The following ANTKMT variants were observed in gnomAD, a reference collection of about 807,000 sequenced individuals.
ANTKMT encodes the protein adenine nucleotide translocase lysine methyltransferase.
ANTKMT carries 24 observed loss-of-function variants against 20.7 expected under a neutral mutation model. The observed-to-expected ratio is 1.16, with a 90% CI of 0.84 to 1.63. The LOEUF is 1.63. ANTKMT is among the 40% of genes most tolerant of loss of function. The probability of loss-of-function intolerance (pLI) is 0.00; values close to 1 mark genes in which losing one functional copy is unlikely to be tolerated. For synonymous variants in ANTKMT, 193 were observed against 161.2 expected (o/e 1.20, Z -1.49); for missense variants, 428 against 334.8 (o/e 1.28, Z -2.17).
In ANTKMT at chr16:721,261, C is replaced by T. The variant is rs1166833967; in HGVS notation, c.-14C>T. The T allele has an allele frequency of 3.0e-5, 38 of 1,267,502 alleles. No individual in the cohort carries two copies. Among genetic ancestry groups the T allele is most frequent in the Non-Finnish European group, 3.6e-5 (36 of 1,006,318 alleles). The allele number at this position is 1,267,502 out of a possible 1,614,324, so 78.5% of individuals were successfully genotyped here. On this transcript the variant is annotated 5_prime_UTR_variant, in exon 1 of 5. Coordinates refer to ENST00000569529, the MANE Select transcript of ANTKMT (RefSeq NM_023933.3). ...GGAAGGACCTTGGGCGGACGAGCCGCGCGTCCCGCAGCCATGGAGCAGGAC... is the reference window on the plus strand; with the variant it reads ...GGAAGGACCTTGGGCGGACGAGCCGTGCGTCCCGCAGCCATGGAGCAGGAC...
chr16:721,322 G>A lies in ANTKMT; in HGVS notation c.48G>A (p.Arg16=), dbSNP rs376934221. ...PVEALTELRE[R]RLGALELLQA... is the part of the protein sequence containing the mutation. ...AGGCGCTGACGGAGCTGCGCGAGCGGCGGCTGGGCGCGCTGGAGCTGCTGC... is the reference window on the plus strand; with the variant it reads ...AGGCGCTGACGGAGCTGCGCGAGCGACGGCTGGGCGCGCTGGAGCTGCTGC... Residue 16 remains arginine (R), a synonymous_variant, in exon 1 of 5, where the codon CGG becomes CGA. Transcript: ENST00000569529. The A allele has an allele frequency of 2.1e-5, 28 of 1,349,502 alleles. No individual in the cohort carries two copies. The South Asian group carries it at 2.4e-4, about 12-fold the overall frequency. 83.6% of individuals were successfully genotyped at this position (1,349,502 alleles called of 1,614,324 possible). A position where few individuals can be genotyped will look rare whatever the true frequency, so the allele number is the denominator to read the frequency against.
intron 4 of ANTKMT, 58 bp from the exon 5 acceptor site, chr16:722,251 C>T (rs998692629): frequency 7.8e-5 from 124 of 1,586,620 alleles, no homozygotes; most frequent in Non-Finnish European, 1.0e-4. Context: ...GGGGTGAGCG[C>T]GGCTGTTTTC....
In ANTKMT at chr16:722,461, G is replaced by A. The variant is rs2040286677; in HGVS notation, c.612G>A (p.Gln204=). The A allele has an allele frequency of 1.2e-6, 2 of 1,611,840 alleles. No homozygotes were observed. The highest frequency in any genetic ancestry group is 1.7e-4 in the Middle Eastern group (1 of 6,056). The stretch of plus-strand genomic sequence containing the variant: ...CTTATGATGTTCCTGAGGGTGGGCA[G>A]GCTGGGGAGGCCGCCTCCTCGCGGA... ...VWAYDVPEGG[Q]AGEAASSRIP... is the part of the protein sequence containing the mutation. Residue 204 remains glutamine (Q), a synonymous_variant, in exon 5 of 5, where the codon CAG becomes CAA. Coordinates refer to ENST00000569529, the MANE Select transcript of ANTKMT (RefSeq NM_023933.3).
rs146136648 is a variant in ANTKMT at position 721,703 on chromosome 16, G to C, written c.267+1G>C. On this transcript the variant is annotated splice_donor_variant, in intron 2 of 4. Transcript: ENST00000569529. LOFTEE classifies it high-confidence loss of function. ...TCTGGGCTCTGGCGACGGCAGGATC[G>C]TAAGTGCCTGCGTCTGGGTCTTCGC... 1 of 1,548,626 alleles carries C rather than the reference G, an allele frequency of 6.5e-7. No individual in the cohort carries two copies. Among genetic ancestry groups the C allele is most frequent in the East Asian group, 2.5e-5 (1 of 40,710 alleles).
chr16:722,433 G>T lies in ANTKMT; in HGVS notation c.584G>T (p.Trp195Leu). ...TAVGEGLDRVWAYDVPEGGQA... is the reference protein window; with the variant it reads ...TAVGEGLDRVLAYDVPEGGQA... Reference sequence around the variant, plus strand: ...GTTGGCGAGGGCCTGGACCGAGTATGGGCTTATGATGTTCCTGAGGGTGGG... The same window carrying T: ...GTTGGCGAGGGCCTGGACCGAGTATTGGCTTATGATGTTCCTGAGGGTGGG... Residue 195 changes from tryptophan (W) to leucine (L), a missense_variant, in exon 5 of 5, where the codon TGG (tryptophan) becomes TTG (leucine). Transcript: ENST00000569529. 1.9e-6 allele frequency: 3 copies of T among 1,609,780 alleles called. No individual in the cohort carries two copies.
At position 722,313 on chromosome 16, in the gene ANTKMT, C is replaced by T. The variant is rs200866589; in HGVS notation, c.464C>T (p.Pro155Leu). The change falls in exon 5 of 5, where the codon CCG (proline) becomes CTG (leucine). Residue 155 changes from proline (P) to leucine (L), a missense_variant. Pro to Leu is a moderately conservative substitution (Grantham distance 98). Coordinates refer to ENST00000569529, the MANE Select transcript of ANTKMT (RefSeq NM_023933.3). ...VSVFLAPSVL[P>L]LLEDKLRTEL... ...CTCTGCTGTTCTCTCCCTCAGCTCC[C>T]GCTGCTGGAGGACAAGCTGCGGACA... 3.7e-6 allele frequency: 6 copies of T among 1,608,182 alleles called. No homozygotes were observed. The highest frequency in any genetic ancestry group is 2.2e-5 in the East Asian group (1 of 44,714).
At position 722,123 on chromosome 16, in the gene ANTKMT, G is replaced by C. The variant is rs775745377; in HGVS notation, c.448G>C (p.Ala150Pro). 20 of 1,608,884 alleles carry C rather than the reference G, an allele frequency of 1.2e-5. No homozygotes were observed. The highest frequency in any genetic ancestry group is 1.6e-4 in the Middle Eastern group (1 of 6,070). The change falls in exon 4 of 5, where the codon GCC (alanine) becomes CCC (proline). Residue 150 changes from alanine (A) to proline (P), a missense_variant. Physicochemically the swap from Ala to Pro is conservative, Grantham distance 27. Transcript: ENST00000569529. The part of the protein sequence containing the change: ...RDCRNVSVFL[A>P]PSVLPLLEDK... The stretch of plus-strand genomic sequence containing the variant: ...CTGCCGCAACGTGTCTGTGTTCCTG[G>C]CCCCTAGCGTGGTAGGTGCGGGGTT...
intron 1 of ANTKMT, 55 bp from the exon 2 acceptor site, chr16:721,543 C>A: frequency 6.7e-7 from 1 of 1,488,926 alleles, no homozygotes; most frequent in South Asian, 1.3e-5. Flanking sequence ...TAGTTCGGGC[C>A]GGGCTGCGGG....
Position 721,199 on chromosome 16 carries a change from C to A in ANTKMT, c.-76C>A. ...CAGGAGGCAGAGGGCACACCGCCAG[C>A]CCCAGGCCAGGCTGCGAGGGCCGCG... On this transcript the variant is annotated 5_prime_UTR_variant, in exon 1 of 5. Coordinates refer to ENST00000569529, the MANE Select transcript of ANTKMT (RefSeq NM_023933.3). 8.3e-7 allele frequency: 1 copy of A among 1,199,948 alleles called. No individual in the cohort carries two copies. Among genetic ancestry groups the A allele is most frequent in the Non-Finnish European group, 1.0e-6 (1 of 965,076 alleles). 74.3% of individuals were successfully genotyped at this position (1,199,948 alleles called of 1,614,324 possible). A position where few individuals can be genotyped will look rare whatever the true frequency, so the allele number is the denominator to read the frequency against.
chr16:722,429 G>A lies in ANTKMT; in HGVS notation c.580G>A (p.Val194Ile), dbSNP rs1195020365. 1 of 1,609,252 alleles carries A rather than the reference G, an allele frequency of 6.2e-7. No homozygotes were observed. The highest frequency in any genetic ancestry group is 1.7e-5 in the Admixed American group (1 of 59,678). ...VTAVGEGLDR[V>I]WAYDVPEGGQ... ...CGCGGTTGGCGAGGGCCTGGACCGAGTATGGGCTTATGATGTTCCTGAGGG... is the reference window on the plus strand; with the variant it reads ...CGCGGTTGGCGAGGGCCTGGACCGAATATGGGCTTATGATGTTCCTGAGGG... The change falls in exon 5 of 5, where the codon GTA (valine) becomes ATA (isoleucine). Residue 194 changes from valine (V) to isoleucine (I), a missense_variant. Coordinates refer to ENST00000569529, the MANE Select transcript of ANTKMT (RefSeq NM_023933.3).
In ANTKMT at chr16:721,781, C is replaced by T; in HGVS notation, c.268-20C>T. On this transcript the variant is annotated intron_variant, in intron 2 of 4. Transcript: ENST00000569529. ...GCGCCCCTGCCCACATCCTGGTTCCCACACTCTCGGTGCCCACAGGTGCTG... is the reference window on the plus strand; with the variant it reads ...GCGCCCCTGCCCACATCCTGGTTCCTACACTCTCGGTGCCCACAGGTGCTG... 4 of 1,536,960 alleles carry T rather than the reference C, an allele frequency of 2.6e-6. No homozygotes were observed. Among genetic ancestry groups the T allele is most frequent in the East Asian group, 2.5e-5 (1 of 40,702 alleles).
chr16:722,313 C>G lies in ANTKMT; in HGVS notation c.464C>G (p.Pro155Arg), dbSNP rs200866589. ...CTCTGCTGTTCTCTCCCTCAGCTCC[C>G]GCTGCTGGAGGACAAGCTGCGGACA... is the stretch of plus-strand genomic sequence containing the variant. Reference protein sequence around the residue: ...VSVFLAPSVLPLLEDKLRTEL... With the variant: ...VSVFLAPSVLRLLEDKLRTEL... Residue 155 changes from proline (P) to arginine (R), a missense_variant, in exon 5 of 5, where the codon CCG becomes CGG. Transcript: ENST00000569529. The G allele has an allele frequency of 1.6e-5, 26 of 1,608,300 alleles. No individual in the cohort carries two copies. In the East Asian group the frequency reaches 3.6e-4, roughly 22 times the overall value.
rs1317667486 is a variant in ANTKMT at position 721,912 on chromosome 16, G to A, written c.379G>A (p.Val127Ile). The A allele has an allele frequency of 1.3e-6, 2 of 1,571,946 alleles. No individual in the cohort carries two copies. The highest frequency in any genetic ancestry group is 1.7e-6 in the Non-Finnish European group (2 of 1,167,712). ...CTGGAGGGCCGGCTGTGCCGGCAGC[G>A]TCTGCTATCGCCGCAAGGATCTCTG... The part of the protein sequence containing the change: ...HAWRAGCAGS[V>I]CYRRKDLWKV... Residue 127 changes from valine (V) to isoleucine (I), a missense_variant, in exon 3 of 5, where the codon GTC becomes ATC. Coordinates refer to ENST00000569529, the MANE Select transcript of ANTKMT (RefSeq NM_023933.3).
Position 721,831 on chromosome 16 carries a change from C to T in ANTKMT, c.298C>T (p.Pro100Ser). ...GGCGGCCCACAGGTGCGGCCTCCGC[C>T]CGGCCGTGGGCTACGAGCTGAACCC... ...VLAAHRCGLR[P>S]AVGYELNPWL... Residue 100 changes from proline to serine, a missense_variant, in exon 3 of 5, where the codon CCG becomes TCG. Transcript: ENST00000569529. The T allele has an allele frequency of 1.3e-6, 2 of 1,558,234 alleles. No individual in the cohort carries two copies. Among genetic ancestry groups the T allele is most frequent in the Non-Finnish European group, 1.7e-6 (2 of 1,156,680 alleles).
chr16:721,734 C>A, intron 2 of ANTKMT, 32 bp downstream of exon 2: 1 of 1,543,342 alleles, frequency 6.5e-7, no homozygotes, highest in East Asian at 2.5e-5. Flanking sequence ...TTCGCCGCCC[C>A]ACACCGCCCA....
chr16:722,533 G>A lies in ANTKMT; in HGVS notation c.684G>A (p.Gly228=). 1 of 1,609,782 alleles carries A rather than the reference G, an allele frequency of 6.2e-7. No individual in the cohort carries two copies. Among genetic ancestry groups the A allele is most frequent in the African/African-American group, 1.3e-5 (1 of 74,980 alleles). Residue 228 remains glycine (G), a synonymous_variant, in exon 5 of 5, where the codon GGG becomes GGA. Transcript: ENST00000569529. ...APGPSSAPIP[G]GLISQAS ...GACCTAGTTCTGCCCCCATCCCGGG[G>A]GGCCTTATTTCTCAGGCCAGCTGAG...
Position 721,851 on chromosome 16 carries a change from G to A in ANTKMT, c.318G>A (p.Leu106=), listed in dbSNP as rs778213366. The A allele has an allele frequency of 1.3e-6, 2 of 1,565,224 alleles. No individual in the cohort carries two copies. Among genetic ancestry groups the A allele is most frequent in the Non-Finnish European group, 1.7e-6 (2 of 1,161,706 alleles). ...TCCGCCCGGCCGTGGGCTACGAGCT[G>A]AACCCCTGGCTGGTGGCGCTGGCGC... is the stretch of plus-strand genomic sequence containing the variant. ...CGLRPAVGYE[L]NPWLVALARL... Residue 106 remains leucine (L), a synonymous_variant, in exon 3 of 5, where the codon CTG becomes CTA. Transcript: ENST00000569529.
chr16:721,422 C>A lies in ANTKMT; in HGVS notation c.148C>A (p.Pro50Thr), dbSNP rs149844405. The A allele has an allele frequency of 5.5e-3, 7,114 of 1,297,710 alleles. 322 individuals carry two copies. The African/African-American group carries it at 0.098, about 18-fold the overall frequency. 80.4% of individuals were successfully genotyped at this position (1,297,710 alleles called of 1,614,324 possible). ...LLLQPGFRRV[P>T]LRLQVPYVGA... ...GCTCCAGCCCGGCTTCCGGCGCGTG[C>A]CGCTGCGGCTGCAGGTGCGGGGCGG... Residue 50 changes from proline to threonine, a missense_variant, in exon 1 of 5, where the codon CCG becomes ACG. Physicochemically the swap from Pro to Thr is conservative, Grantham distance 38 (BLOSUM62 -1). Transcript: ENST00000569529.
chr16:722,282 C>G, intron 4 of ANTKMT, 27 bp from the exon 5 acceptor site: 1 of 1,601,764 alleles, frequency 6.2e-7, no homozygotes, highest in Non-Finnish European at 8.5e-7. Flanking sequence ...GCCCCCGCCC[C>G]CTCTACTCTG....
Sources: gnomAD v4.1 joint callset for allele counts on GRCh38, gnomAD v4.1.1 for gene constraint, MANE v1.5 for transcripts, NCBI Gene and HGNC (gene_info 2026-07-23, HGNC 2026-07-21) for gene names.